The following WIF1 variants were observed in gnomAD, a reference collection of about 807,000 sequenced individuals.
WIF1 encodes Wnt inhibitory factor 1.
In WIF1, 35 loss-of-function variants were observed where a neutral mutation model predicts 53.5. That is an observed-to-expected ratio of 0.65 (90% CI 0.50 to 0.87). WIF1 has a LOEUF of 0.87. WIF1 is among the 40% of genes least tolerant of loss of function. WIF1 has a pLI of 0.00. For missense variants in WIF1, 467 were observed against 476.8 expected (o/e 0.98, Z 0.19); for synonymous variants, 171 against 170.4 (o/e 1.00, Z -0.03).
chr12:65,066,357 G>A (rs1372125498), intron 6 of WIF1, among the ~76,000 whole-genome samples: 1 of 152,076 alleles, frequency 6.6e-6, no homozygotes, highest in African/African-American at 2.4e-5. Flanking sequence ...AAAGCTCTAG[G>A]CAGGACCACA....
chr12:65,081,675 T>C (rs1267977004), intron 2 of WIF1, among the ~76,000 whole-genome samples: 2 of 152,190 alleles, frequency 1.3e-5, no homozygotes, highest in Non-Finnish European at 2.9e-5. Context: ...TTGGATCTTA[T>C]CAGCAAAAGG....
intron 2 of WIF1, among the ~76,000 whole-genome samples, chr12:65,093,934 G>A (rs1883163288): frequency 6.6e-6 from 1 of 152,146 alleles, no homozygotes; most frequent in Admixed American, 6.6e-5. Flanking sequence ...TTTTGATTAT[G>A]ATCTCATGAA....
chr12:65,079,396 G>C (rs1017594248), intron 2 of WIF1, among the ~76,000 whole-genome samples: 5 of 152,012 alleles, frequency 3.3e-5, no homozygotes, highest in African/African-American at 1.2e-4. Flanking sequence ...AAAAATTCCA[G>C]GGTCAAATGG....
chr12:65,114,021 A>G (rs1321045951), intron 2 of WIF1, among the ~76,000 whole-genome samples: 1 of 152,242 alleles, frequency 6.6e-6, no homozygotes, highest in Non-Finnish European at 1.5e-5. Flanking sequence ...TAACTCTATT[A>G]GGAAAAAATG....
rs1245676870 is a variant in WIF1, at chr12:65,068,775, G to A, written c.527C>T (p.Thr176Ile). 4.3e-6 allele frequency: 7 copies of A among 1,613,314 alleles called. No homozygotes were observed. The highest frequency in any genetic ancestry group is 5.9e-6 in the Non-Finnish European group (7 of 1,179,572). The change falls in exon 4 of 10, where the codon ACA becomes ATA. Residue 176 changes from threonine (T) to isoleucine (I), a missense_variant. By Grantham distance (89) the Thr-to-Ile change is moderately conservative. Coordinates refer to ENST00000286574, the MANE Select transcript of WIF1 (RefSeq NM_007191.5). ...QTPQNAIFFK[T>I]CQQAECPGGC... is the part of the protein sequence containing the mutation. The stretch of plus-strand genomic sequence containing the variant: ...CCATCGGTGCTTACCTTGTTGACAT[G>A]TTTTAAAGAAGATAGCATTTTGAGG...
intron 6 of WIF1, among the ~76,000 whole-genome samples, chr12:65,062,926 A>G (rs1358990673): frequency 6.6e-6 from 1 of 152,128 alleles, no homozygotes. Flanking sequence ...TTTTGTAAAC[A>G]TCAGTTTAGA....
At chr12:65,086,150 G>GA (rs11433448) in intron 2 of WIF1, among the ~76,000 whole-genome samples, 69,141 of 148,470 alleles carry the variant, frequency 0.47, 18,688 homozygotes, top group East Asian at 0.69. Flanking sequence ...TCTAAAAATT[G>GA]AAAAAAAAAA....
rs188284770 is a variant in WIF1 at position 65,099,774 on chromosome 12, G to T, written c.288+20643C>A. Among the ~76,000 whole-genome samples, 11 of 152,186 alleles carry T rather than the reference G, an allele frequency of 7.2e-5. No homozygotes were observed. In the East Asian group the frequency reaches 2.1e-3, roughly 29 times the overall value. On this transcript the variant is annotated intron_variant, in intron 2 of 9. Coordinates refer to ENST00000286574, the MANE Select transcript of WIF1 (RefSeq NM_007191.5). ...AGCACCCATAAGAATGTATTTGTTA[G>T]CTCAGTTTCCTCATTTTTATACAAT...
chr12:65,093,710 T>A (rs940152125), intron 2 of WIF1, among the ~76,000 whole-genome samples: 2 of 152,134 alleles, frequency 1.3e-5, no homozygotes, highest in Non-Finnish European at 2.9e-5. Flanking sequence ...TCAACTGTCA[T>A]CTTTTAGTGA....
intron 2 of WIF1, among the ~76,000 whole-genome samples, chr12:65,084,593 G>T (rs983310869): frequency 6.6e-6 from 1 of 152,254 alleles, no homozygotes; most frequent in Admixed American, 6.5e-5. Flanking sequence ...TCATCTAAAT[G>T]TTGGATTCCT....
intron 1 of WIF1, 107 bp from the exon 2 acceptor site, chr12:65,120,663 T>A (rs1883587776): frequency 7.6e-7 from 1 of 1,319,232 alleles, no homozygotes; most frequent in African/African-American, 1.5e-5. Flanking sequence ...GTCATTTCTG[T>A]TCACAAGCAT....
In WIF1 at chr12:65,067,785, A is replaced by G. The variant is rs1882710689; in HGVS notation, c.544T>C (p.Cys182Arg). ...IFFKTCQQAE[C>R]PGGCRNGGFC... ...CCTCCATTTCGGCACCCGCCTGGGC[A>G]CTCAGCTTCAGCAGAGAGAAACAAA... is the stretch of plus-strand genomic sequence containing the variant. Residue 182 changes from cysteine to arginine, a missense_variant, in exon 5 of 10, where the codon TGC (cysteine) becomes CGC (arginine). Cys to Arg is a radical substitution (Grantham distance 180). Coordinates refer to ENST00000286574, the MANE Select transcript of WIF1 (RefSeq NM_007191.5). 1 of 1,613,072 alleles carries G rather than the reference A, an allele frequency of 6.2e-7. No homozygotes were observed. The highest frequency in any genetic ancestry group is 8.5e-7 in the Non-Finnish European group (1 of 1,179,314).
chr12:65,092,289 G>A (rs756742835), intron 2 of WIF1, among the ~76,000 whole-genome samples: 16 of 151,346 alleles, frequency 1.1e-4, no homozygotes, highest in Non-Finnish European at 2.1e-4. Context: ...TTGTCAGGGG[G>A]TGGGGGGCTA....
chr12:65,120,358 C>T, intron 2 of WIF1, 59 bp downstream of exon 2: 6 of 1,565,028 alleles, frequency 3.8e-6, no homozygotes, highest in Non-Finnish European at 5.2e-6. Context: ...CTATACAGTA[C>T]TATTTCCACC....
At chr12:65,076,233 C>G (rs563997664) in intron 3 of WIF1, among the ~76,000 whole-genome samples, 2 of 151,876 alleles carry the variant, frequency 1.3e-5, no homozygotes, top group African/African-American at 2.4e-5. Context: ...GAGACAGTCT[C>G]GCTATGTTGC....
chr12:65,078,189 C>CA (rs1205518276), intron 2 of WIF1, among the ~76,000 whole-genome samples: 13 of 152,252 alleles, frequency 8.5e-5, no homozygotes, highest in African/African-American at 3.1e-4. Context: ...AGCAATTCTC[C>CA]TGCCTCAGCC....
intron 2 of WIF1, among the ~76,000 whole-genome samples, chr12:65,093,782 C>T (rs772614814): frequency 3.3e-5 from 5 of 152,038 alleles, no homozygotes; most frequent in Non-Finnish European, 4.4e-5. Context: ...ATTCGGTTCC[C>T]GGATGGTCTG....
chr12:65,059,212 C>T (rs1882574531), intron 7 of WIF1, among the ~76,000 whole-genome samples: 1 of 152,108 alleles, frequency 6.6e-6, no homozygotes, highest in East Asian at 1.9e-4. Flanking sequence ...ATTTCTTCTA[C>T]CTATGCAATT....
intron 2 of WIF1, among the ~76,000 whole-genome samples, chr12:65,094,864 A>G (rs981465434): frequency 6.6e-6 from 1 of 151,772 alleles, no homozygotes; most frequent in African/African-American, 2.4e-5. Context: ...GTTACCTGTT[A>G]TCATGGATTC....
Sources: gnomAD v4.1 joint callset for allele counts (sites outside exome capture counted in the v4.1 genomes callset) on GRCh38, gnomAD v4.1.1 for gene constraint, MANE v1.5 for transcripts, NCBI Gene and HGNC (gene_info 2026-07-23, HGNC 2026-07-21) for gene names.